The following ZNF816 variants were observed in gnomAD, a reference collection of about 807,000 sequenced individuals.
The protein encoded by ZNF816 is zinc finger protein 816A.
A neutral mutation model predicts 8.3 loss-of-function variants in ZNF816; 11 were observed. That is an observed-to-expected ratio of 1.32 (90% CI 0.83 to 2.19). The LOEUF is 2.19. ZNF816 is among the 30% of genes most tolerant of loss of function. The pLI is 0.00. For synonymous variants in ZNF816, 255 were observed against 254.5 expected, an observed-to-expected ratio of 1.00 and a Z score of -0.02; for missense variants, 710 against 779.3, an observed-to-expected ratio of 0.91 and a Z score of 1.06.
In ZNF816 at chr19:52,952,736, G is replaced by A. The variant is rs1256008863; in HGVS notation, c.190+15C>T. On this transcript the variant is annotated intron_variant, in intron 3 of 3. Transcript: ENST00000444460. ...AAGTGCAGATTCCTCATGTCTGGAGGGACATTTTCCTCACCCACAAACTCC... is the reference window on the plus strand; with the variant it reads ...AAGTGCAGATTCCTCATGTCTGGAGAGACATTTTCCTCACCCACAAACTCC... 1 of 1,613,180 alleles carries A rather than the reference G, an allele frequency of 6.2e-7. No individual in the cohort carries two copies. The highest frequency in any genetic ancestry group is 1.3e-5 in the African/African-American group (1 of 74,794).
intron 1 of ZNF816, among the ~76,000 whole-genome samples, chr19:52,962,405 A>C (rs923662184): frequency 1.3e-5 from 2 of 152,058 alleles, no homozygotes; most frequent in Non-Finnish European, 2.9e-5. Flanking sequence ...TAGCCCTCCC[A>C]CTTCCACCAC....
At chr19:52,959,517 C>A (rs2083538695) in intron 1 of ZNF816, among the ~76,000 whole-genome samples, 1 of 152,156 alleles carries the variant, frequency 6.6e-6, no homozygotes, top group Non-Finnish European at 1.5e-5. Context: ...GCGGTAGTAA[C>A]CCTGGACACT....
Position 52,951,374 on chromosome 19 carries a change from T to C in ZNF816, c.401A>G (p.Lys134Arg). Residue 134 changes from lysine (K) to arginine (R), a missense_variant, in exon 4 of 4, where the codon AAG (lysine) becomes AGG (arginine). Coordinates refer to ENST00000444460, the MANE Select transcript of ZNF816 (RefSeq NM_001202457.3). The part of the protein sequence containing the change: ...GHEAPMTKIK[K>R]LTGSTDRSDH... Reference sequence around the variant, plus strand: ...ACTTCGGTCTGTACTACCAGTCAACTTTTTGATTTTTGTCATGGGTGCTTC... The same window carrying C: ...ACTTCGGTCTGTACTACCAGTCAACCTTTTGATTTTTGTCATGGGTGCTTC... 6.2e-7 allele frequency: 1 copy of C among 1,614,152 alleles called. No homozygotes were observed. Among genetic ancestry groups the C allele is most frequent in the Non-Finnish European group, 8.5e-7 (1 of 1,179,980 alleles).
At chr19:52,960,750 C>T (rs1438380040) in intron 1 of ZNF816, among the ~76,000 whole-genome samples, 2 of 152,138 alleles carry the variant, frequency 1.3e-5, no homozygotes, top group Admixed American at 6.5e-5. Flanking sequence ...CCACTCCCAC[C>T]GCTGTGAAGG....
chr19:52,955,925 T>C, intron 2 of ZNF816, 102 bp downstream of exon 2: 1 of 1,451,964 alleles, frequency 6.9e-7, no homozygotes, highest in Non-Finnish European at 9.4e-7. Flanking sequence ...CGAGCAAACG[T>C]GTGATGTAGA....
intron 1 of ZNF816, among the ~76,000 whole-genome samples, chr19:52,958,424 G>A (rs922972331): frequency 2.6e-5 from 4 of 152,134 alleles, no homozygotes; most frequent in Non-Finnish European, 4.4e-5. Flanking sequence ...AGGTGTCACT[G>A]CTCAGTACTC....
intron 3 of ZNF816, 74 bp downstream of exon 3, chr19:52,952,677 A>G: frequency 1.3e-6 from 2 of 1,599,448 alleles, no homozygotes; most frequent in Non-Finnish European, 1.7e-6. Flanking sequence ...AAATCACAAA[A>G]GAGAATATAA....
rs925948578 is a variant in ZNF816, at chr19:52,952,833, C to T, written c.108G>A (p.Glu36=). Residue 36 remains glutamate, a synonymous_variant, in exon 3 of 4, where the codon GAG becomes GAA. Coordinates refer to ENST00000444460, the MANE Select transcript of ZNF816 (RefSeq NM_001202457.3). ...GTGCAGGGTTCAGGCATTTCCACTC[C>T]TCCAAAGAGAACTCTATAGCCACAT... ...FRDVAIEFSL[E]EWKCLNPAQR... is the part of the protein sequence containing the mutation. 1.2e-6 allele frequency: 2 copies of T among 1,613,260 alleles called. No individual in the cohort carries two copies. Among genetic ancestry groups the T allele is most frequent in the Non-Finnish European group, 8.5e-7 (1 of 1,179,792 alleles).
chr19:52,953,668 ATAT>A (rs2083484862), intron 2 of ZNF816, among the ~76,000 whole-genome samples: 1 of 141,066 alleles, frequency 7.1e-6, no homozygotes, highest in African/African-American at 2.6e-5. Context: ...ATTGTATCAT[ATAT>A]TATATATAAT....
At position 52,952,757 on chromosome 19, in the gene ZNF816, A is replaced by G. The variant is rs1231494355; in HGVS notation, c.184T>C (p.Phe62Leu). 3.1e-6 allele frequency: 5 copies of G among 1,613,452 alleles called. No homozygotes were observed. The highest frequency in any genetic ancestry group is 4.2e-6 in the Non-Finnish European group (5 of 1,179,898). The change falls in exon 3 of 4, where the codon TTT (phenylalanine) becomes CTT (leucine). Residue 62 changes from phenylalanine (F) to leucine (L), a missense_variant. By Grantham distance (22) the Phe-to-Leu change is conservative (BLOSUM62 0). Coordinates refer to ENST00000444460, the MANE Select transcript of ZNF816 (RefSeq NM_001202457.3). ...GGAGGGACATTTTCCTCACCCACAA[A>G]CTCCAGGTTCCTGTAGTTCTCCAAC... ...VMLENYRNLE[F>L]VDSSLKSMME... is the part of the protein sequence containing the mutation.
chr19:52,951,740 A>C lies in ZNF816; in HGVS notation c.191-156T>G, dbSNP rs2083462400. ...TAAGAACACACTGTCTCTACTGAACATACAAAAATTAGCCAGTCATGGTGG... is the reference window on the plus strand; with the variant it reads ...TAAGAACACACTGTCTCTACTGAACCTACAAAAATTAGCCAGTCATGGTGG... On this transcript the variant is annotated intron_variant, in intron 3 of 3. Transcript: ENST00000444460. 14 of 742,322 alleles carry C rather than the reference A, an allele frequency of 1.9e-5. No homozygotes were observed. The South Asian group carries it at 3.8e-4, about 20-fold the overall frequency. The allele number at this position is 742,322 out of a possible 1,614,324, so 46.0% of individuals were successfully genotyped here. A position where few individuals can be genotyped will look rare whatever the true frequency, so the allele number is the denominator to read the frequency against.
In ZNF816 at chr19:52,949,579, G is replaced by C. The variant is rs1455842148; in HGVS notation, c.*240C>G. ...AGGCTTTGCCACAATCATCACACTT[G>C]TGAGGTTTCTCTCCTGTATGAATTC... On this transcript the variant is annotated 3_prime_UTR_variant, in exon 4 of 4. Coordinates refer to ENST00000444460, the MANE Select transcript of ZNF816 (RefSeq NM_001202457.3). The C allele has an allele frequency of 4.1e-6, 3 of 739,376 alleles. No individual in the cohort carries two copies. In the Admixed American group the frequency reaches 5.9e-5, roughly 15 times the overall value. 45.8% of individuals were successfully genotyped at this position (739,376 alleles called of 1,614,324 possible). A position where few individuals can be genotyped will look rare whatever the true frequency, so the allele number is the denominator to read the frequency against.
rs2122139008 is a variant in ZNF816 at position 52,951,098 on chromosome 19, T to C, written c.677A>G (p.Glu226Gly). The C allele has an allele frequency of 6.2e-7, 1 of 1,614,028 alleles. No homozygotes were observed. Among genetic ancestry groups the C allele is most frequent in the East Asian group, 2.2e-5 (1 of 44,876 alleles). ...ACACTCATTACTTTGGCAAGGTTTTTCTCTCATGCATATTTCCTGTATTTG... is the reference window on the plus strand; with the variant it reads ...ACACTCATTACTTTGGCAAGGTTTTCCTCTCATGCATATTTCCTGTATTTG... Reference protein sequence around the residue: ...FTQIQEICMREKPCQSNECGK... With the variant: ...FTQIQEICMRGKPCQSNECGK... Residue 226 changes from glutamate to glycine, a missense_variant, in exon 4 of 4, where the codon GAA (glutamate) becomes GGA (glycine). Physicochemically the swap from Glu to Gly is moderately conservative, Grantham distance 98 (BLOSUM62 -2). Coordinates refer to ENST00000444460, the MANE Select transcript of ZNF816 (RefSeq NM_001202457.3).
At position 52,956,032 on chromosome 19, in the gene ZNF816, G is replaced by A; in HGVS notation, c.58C>T (p.Pro20Ser). 1 of 1,610,340 alleles carries A rather than the reference G, an allele frequency of 6.2e-7. No individual in the cohort carries two copies. Among genetic ancestry groups the A allele is most frequent in the Non-Finnish European group, 8.5e-7 (1 of 1,178,964 alleles). ...SKEKEPGMAL[P>S]QGRLTFRDVA... ...CACCAAGGAATATCACTTACCTGAG[G>A]AAGAGCCATCCCTGGCTCCTTTTCT... Residue 20 changes from proline (P) to serine (S), a missense_variant, in exon 2 of 4, where the codon CCT becomes TCT. Coordinates refer to ENST00000444460, the MANE Select transcript of ZNF816 (RefSeq NM_001202457.3).
At position 52,951,070 on chromosome 19, in the gene ZNF816, G is replaced by T. The variant is rs1436893920; in HGVS notation, c.705C>A (p.Gly235=). ...AGAGTGAGCTATAATTAAAGGCTTT[G>T]CCACACTCATTACTTTGGCAAGGTT... ...REKPCQSNEC[G]KAFNYSSLLR... Residue 235 remains glycine (G), a synonymous_variant, in exon 4 of 4, where the codon GGC becomes GGA. Transcript: ENST00000444460. 3.1e-6 allele frequency: 5 copies of T among 1,613,976 alleles called. No individual in the cohort carries two copies. In the South Asian group the frequency reaches 5.5e-5, roughly 18 times the overall value.
rs763816318 is a variant in ZNF816, at chr19:52,950,752, G to C, written c.1023C>G (p.Tyr341Ter). The change falls in exon 4 of 4, where the codon TAC becomes TAG. Residue 341 changes from tyrosine to a stop codon, truncating the protein, a stop_gained. Coordinates refer to ENST00000444460, the MANE Select transcript of ZNF816 (RefSeq NM_001202457.3). LOFTEE classifies it low-confidence loss of function (END_TRUNC). ...HRRLHTGEKP[Y>*]KCNECGKTFG... ...AAGTCTTGCCACACTCATTACACTTGTAAGGTTTCTCTCCAGTATGAAGTC... is the reference window on the plus strand; with the variant it reads ...AAGTCTTGCCACACTCATTACACTTCTAAGGTTTCTCTCCAGTATGAAGTC... 1.4e-5 allele frequency: 23 copies of C among 1,613,800 alleles called. No individual in the cohort carries two copies. Among genetic ancestry groups the C allele is most frequent in the Non-Finnish European group, 1.9e-5 (23 of 1,180,022 alleles).
chr19:52,951,865 T>G, intron 3 of ZNF816: 1 of 420,018 alleles, frequency 2.4e-6, no homozygotes. Flanking sequence ...CACATTGCAC[T>G]CCAGCCTGGG....
At chr19:52,953,949 G>C (rs892555007) in intron 2 of ZNF816, among the ~76,000 whole-genome samples, 1 of 141,262 alleles carries the variant, frequency 7.1e-6, no homozygotes, top group African/African-American at 2.8e-5. Context: ...GCTGAAACAG[G>C]AAAATCGCCT....
At chr19:52,962,617 A>C (rs911851036) in intron 1 of ZNF816, 110 bp downstream of exon 1, 2 of 152,198 alleles carry the variant, frequency 1.3e-5, no homozygotes, top group Non-Finnish European at 2.9e-5. Context: ...TTTGCTAAGG[A>C]AAGTTTCGCG....
Sources: gnomAD v4.1 joint callset for allele counts (sites outside exome capture counted in the v4.1 genomes callset) on GRCh38, gnomAD v4.1.1 for gene constraint, MANE v1.5 for transcripts, NCBI Gene and HGNC (gene_info 2026-07-23, HGNC 2026-07-21) for gene names.